Variants in FYB1 observed in about 807,000 individuals in gnomAD.
The protein encoded by FYB1 is FYN binding protein 1, also known as FYN-binding protein 1.
A neutral mutation model predicts 94.1 loss-of-function variants in FYB1; 41 were observed. The ratio of observed to expected loss-of-function variants is 0.44; its 90% CI spans 0.34 to 0.57. The LOEUF (loss-of-function observed/expected upper bound fraction) is 0.57, where lower values mean the gene tolerates loss of function less well. Among genes scored for constraint, FYB1 ranks in the 20% least tolerant of loss-of-function variants. The pLI is 0.02. For synonymous variants in FYB1, 367 were observed against 353.2 expected (o/e 1.04, Z -0.44); for missense variants, 1,050 against 976.8 (o/e 1.07, Z -1.00).
chr5:39,223,152 A>G (rs1013211185), upstream of FYB1, among the ~76,000 whole-genome samples: 33 of 152,262 alleles, frequency 2.2e-4, 1 homozygote, highest in Middle Eastern at 3.4e-3. Flanking sequence ...AAATAAAAAA[A>G]TAAAAGCAAA....
At chr5:39,225,380 G>A (rs1750428013) in intron 1 of FYB1, among the ~76,000 whole-genome samples, 1 of 152,120 alleles carries the variant, frequency 6.6e-6, no homozygotes, top group Non-Finnish European at 1.5e-5. Flanking sequence ...AATTAGAATG[G>A]CCAACTAACA....
chr5:39,124,133 C>T, intron 13 of FYB1, 120 bp downstream of exon 13: 3 of 703,094 alleles, frequency 4.3e-6, no homozygotes, highest in Non-Finnish European at 7.0e-6. Context: ...TTGCTCAAGG[C>T]TACACAATTT....
intron 1 of FYB1, among the ~76,000 whole-genome samples, chr5:39,205,014 G>C (rs1191351727): frequency 6.6e-6 from 1 of 152,124 alleles, no homozygotes; most frequent in Non-Finnish European, 1.5e-5. Flanking sequence ...TGGGTGCTTG[G>C]GGGAGGGAAT....
chr5:39,147,871 G>A (rs1051159111), intron 3 of FYB1, among the ~76,000 whole-genome samples: 3 of 150,674 alleles, frequency 2.0e-5, no homozygotes, highest in Non-Finnish European at 4.4e-5. Flanking sequence ...TAGTAGAGAC[G>A]GGGTTTCACC....
intron 17 of FYB1, among the ~76,000 whole-genome samples, chr5:39,109,003 G>T (rs1738806412): frequency 1.3e-5 from 2 of 152,084 alleles, no homozygotes; most frequent in Non-Finnish European, 2.9e-5. Flanking sequence ...TCAAACAGGA[G>T]ATTATATAAG....
chr5:39,113,805 G>A (rs1057004710), intron 16 of FYB1, among the ~76,000 whole-genome samples: 1 of 151,984 alleles, frequency 6.6e-6, no homozygotes, highest in Admixed American at 6.6e-5. Context: ...GATTTACCTA[G>A]GCAAGTGGAA....
At chr5:39,153,369 C>CT in intron 3 of FYB1, 79 bp downstream of exon 3, 1 of 1,541,508 alleles carries the variant, frequency 6.5e-7, no homozygotes, top group Non-Finnish European at 8.9e-7. Flanking sequence ...CCATGGAACT[C>CT]TCAGCATTTG....
At position 39,182,083 on chromosome 5, in the gene FYB1, T is replaced by C. The variant is rs1746291537; in HGVS notation, c.1135+19743A>G. 6.1e-5 allele frequency among the ~76,000 whole-genome samples: 9 copies of C among 148,358 alleles called. No homozygotes were observed. The South Asian group carries it at 1.9e-3, about 32-fold the overall frequency. On this transcript the variant is annotated intron_variant, in intron 2 of 18. Transcript: ENST00000512982. ...TCAAAACCTCACCAGGTCACCCTCA[T>C]GTTTAGGCTTAAGCCCCAAGTCCTT...
chr5:39,136,372 G>A (rs577723007), intron 7 of FYB1, among the ~76,000 whole-genome samples: 4 of 152,062 alleles, frequency 2.6e-5, no homozygotes, highest in Admixed American at 6.6e-5. Context: ...CCTGGCCTAC[G>A]ATATAGATTT....
chr5:39,189,348 T>C (rs140594678), intron 2 of FYB1, among the ~76,000 whole-genome samples: 17 of 152,132 alleles, frequency 1.1e-4, no homozygotes, highest in East Asian at 3.9e-4. Flanking sequence ...CGTACTTGCA[T>C]TGGAATTGAC....
At chr5:39,197,337 T>C (rs1297505833) in intron 2 of FYB1, among the ~76,000 whole-genome samples, 2 of 152,186 alleles carry the variant, frequency 1.3e-5, no homozygotes, top group Non-Finnish European at 2.9e-5. Flanking sequence ...AAATAAATAA[T>C]TTTCTAATTA....
intron 3 of FYB1, among the ~76,000 whole-genome samples, chr5:39,149,457 T>C (rs1743055964): frequency 6.6e-6 from 1 of 152,218 alleles, no homozygotes; most frequent in African/African-American, 2.4e-5. Context: ...TTTTTCCCTC[T>C]TGACTGGATC....
intron 1 of FYB1, among the ~76,000 whole-genome samples, chr5:39,211,349 C>G (rs1749364616): frequency 1.4e-5 from 2 of 146,492 alleles, no homozygotes; most frequent in Middle Eastern, 3.7e-3. Flanking sequence ...GAGACGGAGT[C>G]TCGCTCTGTC....
At chr5:39,263,347 G>A (rs1238844537) in intron 1 of FYB1, among the ~76,000 whole-genome samples, 5 of 152,092 alleles carry the variant, frequency 3.3e-5, no homozygotes, top group Admixed American at 3.3e-4. Context: ...CTTATCCTTG[G>A]CTTAAAACTA....
intron 14 of FYB1, among the ~76,000 whole-genome samples, chr5:39,121,301 A>C (rs1470009955): frequency 6.6e-6 from 1 of 151,690 alleles, no homozygotes; most frequent in Non-Finnish European, 1.5e-5. Flanking sequence ...ATGGAGAATT[A>C]AAAAAAGGGC....
At chr5:39,227,192 G>C (rs1750511773) in intron 1 of FYB1, among the ~76,000 whole-genome samples, 1 of 152,098 alleles carries the variant, frequency 6.6e-6, no homozygotes, top group Non-Finnish European at 1.5e-5. Flanking sequence ...AACTTGTCCA[G>C]ATTAAAATAT....
chr5:39,126,998 C>A (rs184681830), intron 11 of FYB1, among the ~76,000 whole-genome samples: 5 of 133,916 alleles, frequency 3.7e-5, no homozygotes, highest in Non-Finnish European at 6.1e-5. Context: ...GCAGAGATTG[C>A]GGTGAGCCGA....
At chr5:39,219,046 A>G (rs1251325984) in intron 1 of FYB1, among the ~76,000 whole-genome samples, 1 of 152,226 alleles carries the variant, frequency 6.6e-6, no homozygotes, top group Non-Finnish European at 1.5e-5. Flanking sequence ...AAGGATGGAC[A>G]CATATTTGTT....
chr5:39,175,611 A>G (rs1178166606), intron 2 of FYB1, among the ~76,000 whole-genome samples: 1 of 152,164 alleles, frequency 6.6e-6, no homozygotes, highest in South Asian at 2.1e-4. Flanking sequence ...ATGCGGGTAC[A>G]TGCTGTGTGG....
Sources: allele counts gnomAD v4.1 joint callset (sites outside exome capture counted in the v4.1 genomes callset), GRCh38; gene constraint gnomAD v4.1.1; transcripts MANE v1.5; gene names NCBI Gene and HGNC (gene_info 2026-07-23, HGNC 2026-07-21).